ADAM18: variants seen among roughly 807,000 people sequenced by gnomAD.
ADAM18 encodes ADAM metallopeptidase domain 18, also known as disintegrin and metalloproteinase domain-containing protein 18.
A neutral mutation model predicts 94.4 loss-of-function variants in ADAM18; 117 were observed. The observed-to-expected ratio is 1.24, with a 90% CI of 1.07 to 1.45. The LOEUF is 1.45. Among genes scored for constraint, ADAM18 ranks in the 40% most tolerant of loss-of-function variants. ADAM18 has a pLI of 0.00. For missense variants in ADAM18, 936 were observed against 880.0 expected (o/e 1.06, Z -0.81); for synonymous variants, 327 against 291.6 (o/e 1.12, Z -1.24).
intron 11 of ADAM18, among the ~76,000 whole-genome samples, chr8:39,645,692 C>T (rs1820358739): frequency 1.3e-5 from 2 of 152,218 alleles, no homozygotes; most frequent in South Asian, 2.1e-4. Flanking sequence ...TCACTGACAT[C>T]GCATTCATAT....
intron 2 of ADAM18, among the ~76,000 whole-genome samples, chr8:39,588,837 G>A (rs573487695): frequency 1.0e-3 from 153 of 152,318 alleles, no homozygotes; most frequent in African/African-American, 3.5e-3. Context: ...GTACTTATAA[G>A]ATTTTGGCTT....
At chr8:39,637,806 G>A (rs3824144) in intron 9 of ADAM18, 103 bp downstream of exon 9, 721,621 of 1,115,110 alleles carry the variant, frequency 0.65, 237,065 homozygotes, top group African/African-American at 0.74. Flanking sequence ...AGCCCCTTTG[G>A]AAGTGTTTAA....
chr8:39,648,598 G>A, intron 12 of ADAM18, 71 bp downstream of exon 12: 2 of 1,363,126 alleles, frequency 1.5e-6, no homozygotes, highest in East Asian at 2.5e-5. Context: ...TGTTTGTCAT[G>A]GTATATATAA....
chr8:39,644,537 C>T (rs1267619653), intron 10 of ADAM18, among the ~76,000 whole-genome samples: 1 of 152,202 alleles, frequency 6.6e-6, no homozygotes, highest in South Asian at 2.1e-4. Context: ...GTCCTACTGC[C>T]TTGGCTTCTC....
rs753383322 is a variant in ADAM18 at position 39,637,681 on chromosome 8, C to T, written c.805C>T (p.His269Tyr). 1 of 1,606,726 alleles carries T rather than the reference C, an allele frequency of 6.2e-7. No homozygotes were observed. The highest frequency in any genetic ancestry group is 8.5e-7 in the Non-Finnish European group (1 of 1,176,658). The change falls in exon 9 of 20, where the codon CAT becomes TAT. Residue 269 changes from histidine to tyrosine, a missense_variant. Physicochemically the swap from His to Tyr is moderately conservative, Grantham distance 83 (BLOSUM62 2). Transcript: ENST00000265707. ...WKRDYLILRP[H>Y]DIAYLLVYRK... ...ACGGGACTATCTCATCCTACGGCCCCATGACATAGCATACTTACTTGTGTA... is the reference window on the plus strand; with the variant it reads ...ACGGGACTATCTCATCCTACGGCCCTATGACATAGCATACTTACTTGTGTA...
chr8:39,605,875 A>G, intron 2 of ADAM18: 1 of 167,642 alleles, frequency 6.0e-6, no homozygotes. Context: ...CCTTTCCCCC[A>G]AGTCCCCAAA....
rs771276110 is a variant in ADAM18 at position 39,637,257 on chromosome 8, T to A, written c.589-7T>A. The A allele has an allele frequency of 5.1e-6, 8 of 1,573,400 alleles. No individual in the cohort carries two copies. The highest frequency in any genetic ancestry group is 2.7e-5 in the African/African-American group (2 of 73,182). ...TACTTTCATGAAAAATAAAATTTCT[T>A]TTTCAGTATGATTATATGGGATCTG... On this transcript the variant is annotated splice_region_variant and splice_polypyrimidine_tract_variant and intron_variant, in intron 7 of 19. Coordinates refer to ENST00000265707, the MANE Select transcript of ADAM18 (RefSeq NM_014237.3).
At chr8:39,586,717 A>G (rs930270573) in intron 2 of ADAM18, among the ~76,000 whole-genome samples, 1 of 152,126 alleles carries the variant, frequency 6.6e-6, no homozygotes, top group African/African-American at 2.4e-5. Context: ...ACAGAGCAAG[A>G]CTTCATCTCT....
At chr8:39,603,238 A>G (rs1046330685) in intron 2 of ADAM18, among the ~76,000 whole-genome samples, 3 of 152,142 alleles carry the variant, frequency 2.0e-5, no homozygotes, top group African/African-American at 7.2e-5. Flanking sequence ...TTGTTTTGCC[A>G]ATATCATTCT....
At chr8:39,626,714 G>C (rs938696879) in intron 6 of ADAM18, among the ~76,000 whole-genome samples, 2 of 152,040 alleles carry the variant, frequency 1.3e-5, no homozygotes, top group South Asian at 4.1e-4. Flanking sequence ...CTATAGTTTT[G>C]AGGGTTCCTT....
intron 14 of ADAM18, among the ~76,000 whole-genome samples, chr8:39,674,040 C>A (rs1821229695): frequency 6.6e-6 from 1 of 152,088 alleles, no homozygotes; most frequent in Non-Finnish European, 1.5e-5. Flanking sequence ...GCTTTACTTC[C>A]AATTTTGTGG....
intron 17 of ADAM18, among the ~76,000 whole-genome samples, chr8:39,704,669 C>T (rs1309968346): frequency 6.6e-6 from 1 of 152,038 alleles, no homozygotes; most frequent in Non-Finnish European, 1.5e-5. Flanking sequence ...TTTCTATGCC[C>T]AGCTTAAATA....
At position 39,609,560 on chromosome 8, in the gene ADAM18, A is replaced by T. The variant is rs771076532; in HGVS notation, c.343A>T (p.Arg115Trp). 1 of 1,601,490 alleles carries T rather than the reference A, an allele frequency of 6.2e-7. No homozygotes were observed. The highest frequency in any genetic ancestry group is 1.1e-5 in the South Asian group (1 of 89,486). ...GACACTCAGTATATGTTCTGGTCTC[A>T]GGTAATAGCACCTTATAAGAAATCT... is the stretch of plus-strand genomic sequence containing the variant. ...FVTLSICSGLRGFLQFENISY... is the reference protein window; with the variant it reads ...FVTLSICSGLWGFLQFENISY... The change falls in exon 5 of 20, where the codon AGG becomes TGG. Residue 115 changes from arginine (R) to tryptophan (W), a missense_variant and splice_region_variant. Coordinates refer to ENST00000265707, the MANE Select transcript of ADAM18 (RefSeq NM_014237.3).
chr8:39,701,508 CG>C (rs1420635400), intron 17 of ADAM18, among the ~76,000 whole-genome samples: 3 of 151,732 alleles, frequency 2.0e-5, no homozygotes, highest in Non-Finnish European at 2.9e-5. Flanking sequence ...TTCAAGGGTA[CG>C]TGTGAAAGGA....
intron 2 of ADAM18, among the ~76,000 whole-genome samples, chr8:39,594,098 T>G (rs1024751275): frequency 6.6e-6 from 1 of 152,160 alleles, no homozygotes; most frequent in Non-Finnish European, 1.5e-5. Context: ...ATAACATAGT[T>G]TTTTGCTGTG....
rs746434116 is a variant in ADAM18, at chr8:39,600,601, A to G, written c.133-5706A>G. Among the ~76,000 whole-genome samples, 9 of 152,292 alleles carry G rather than the reference A, an allele frequency of 5.9e-5. 1 individual carries two copies. Among genetic ancestry groups the G allele is most frequent in the South Asian group, 4.1e-4 (2 of 4,828 alleles). ...TTGCTAATTTTCTGTCACTAATGCT[A>G]TTTCTGTGGATAACTGCTCTCAGTT... On this transcript the variant is annotated intron_variant, in intron 2 of 19. Transcript: ENST00000265707.
chr8:39,610,970 G>T, intron 6 of ADAM18: 1 of 1,201,692 alleles, frequency 8.3e-7, no homozygotes, highest in African/African-American at 1.6e-5. Context: ...GTTTAGAAAT[G>T]CAGAAAGAAC....
intron 6 of ADAM18, among the ~76,000 whole-genome samples, chr8:39,619,884 G>A (rs954591340): frequency 6.6e-6 from 1 of 151,970 alleles, no homozygotes; most frequent in Non-Finnish European, 1.5e-5. Flanking sequence ...ATAGAAAAAA[G>A]TCAATCCTAA....
At chr8:39,668,227 C>G (rs372698607) in intron 14 of ADAM18, 31 bp downstream of exon 14, 6 of 1,601,748 alleles carry the variant, frequency 3.7e-6, no homozygotes, top group Non-Finnish European at 5.1e-6. Context: ...TTTATTTTAC[C>G]TTACATTTGC....
Sources: allele counts gnomAD v4.1 joint callset (sites outside exome capture counted in the v4.1 genomes callset), GRCh38; gene constraint gnomAD v4.1.1; transcripts MANE v1.5; gene names NCBI Gene and HGNC (gene_info 2026-07-23, HGNC 2026-07-21).